Variants in GALNT9 observed in about 807,000 individuals in gnomAD.
GALNT9 encodes polypeptide N-acetylgalactosaminyltransferase 9.
A neutral mutation model predicts 63.1 loss-of-function variants in GALNT9; 47 were observed. The ratio of observed to expected loss-of-function variants is 0.75; its 90% CI spans 0.59 to 0.95. The LOEUF is 0.95. Ranked by LOEUF, GALNT9 falls within the 40% of genes least tolerant of loss-of-function variation. The pLI is 0.00. For missense variants in GALNT9, 829 were observed against 874.8 expected, an observed-to-expected ratio of 0.95 and a Z score of 0.66; for synonymous variants, 396 against 365.7, an observed-to-expected ratio of 1.08 and a Z score of -0.94.
At chr12:132,277,205 T>C (rs1386803718) in intron 2 of GALNT9, 1 of 154,660 alleles carries the variant, frequency 6.5e-6, no homozygotes, top group African/African-American at 2.4e-5. Context: ...AGCTTGCTTT[T>C]GTTTACTTCT....
chr12:132,261,093 C>A lies in GALNT9; in HGVS notation c.616G>T (p.Val206Phe). 2 of 1,551,552 alleles carry A rather than the reference C, an allele frequency of 1.3e-6. No homozygotes were observed. The highest frequency in any genetic ancestry group is 1.7e-6 in the Non-Finnish European group (2 of 1,146,976). ...VELKFNLDQY[V>F]NKRYPGLVKI... ...ACGAGGCCTGGGTACCGCTTGTTGA[C>A]GTACTGGTCCAGATTGAACTTGAGT... The change falls in exon 4 of 11, where the codon GTC becomes TTC. Residue 206 changes from valine (V) to phenylalanine (F), a missense_variant. Physicochemically the swap from Val to Phe is conservative, Grantham distance 50 (BLOSUM62 -1). Transcript: ENST00000328957.
At chr12:132,304,365 AGCC>A (rs1566019510) in intron 1 of GALNT9, among the ~76,000 whole-genome samples, 1 of 101,060 alleles carries the variant, frequency 9.9e-6, no homozygotes. Context: ...ACCCGGGCAC[AGCC>A]TCACCCGGGC....
intron 6 of GALNT9, among the ~76,000 whole-genome samples, chr12:132,229,748 G>A (rs1431239635): frequency 1.3e-5 from 2 of 152,258 alleles, no homozygotes; most frequent in Non-Finnish European, 2.9e-5. Flanking sequence ...ACCGGCATCT[G>A]TGAAGCACCA....
At chr12:132,264,656 G>A (rs994838639) in intron 2 of GALNT9, among the ~76,000 whole-genome samples, 1 of 152,238 alleles carries the variant, frequency 6.6e-6, no homozygotes, top group African/African-American at 2.4e-5. Context: ...CCCAGGACAC[G>A]CAGGAAAAGC....
At chr12:132,281,757 G>A (rs1211966927) in intron 2 of GALNT9, among the ~76,000 whole-genome samples, 1 of 151,856 alleles carries the variant, frequency 6.6e-6, no homozygotes, top group Non-Finnish European at 1.5e-5. Context: ...CTCAAAAGGA[G>A]AGCAAGAGCC....
chr12:132,241,240 C>A (rs1444987321), intron 6 of GALNT9, among the ~76,000 whole-genome samples: 1 of 84,334 alleles, frequency 1.2e-5, no homozygotes, highest in Non-Finnish European at 2.4e-5. Context: ...TCCCTATACC[C>A]ATTACACACA....
At position 132,201,897 on chromosome 12, in the gene GALNT9, G is replaced by A. The variant is rs1451218590; in HGVS notation, c.1264-636C>T. Among the ~76,000 whole-genome samples, 4 of 147,592 alleles carry A rather than the reference G, an allele frequency of 2.7e-5. No individual in the cohort carries two copies. In the East Asian group the frequency reaches 5.9e-4, roughly 22 times the overall value. ...GGTGTCTGTGTCTTCCTGGGACTGT[G>A]GGGCCTGAGAGGCTGTAGGGACCAG... On this transcript the variant is annotated intron_variant, in intron 7 of 10. Transcript: ENST00000328957.
chr12:132,291,008 C>T lies in GALNT9; in HGVS notation c.239-4578G>A, dbSNP rs574170248. Among the ~76,000 whole-genome samples the T allele has an allele frequency of 2.8e-3, 205 of 72,534 alleles. 34 individuals carry two copies. Among genetic ancestry groups the T allele is most frequent in the Non-Finnish European group, 4.2e-3 (150 of 35,470 alleles). The allele number at this position is 72,534 out of a possible 152,430, so 47.6% of individuals were successfully genotyped here. A position where few individuals can be genotyped will look rare whatever the true frequency, so the allele number is the denominator to read the frequency against. ...ACAGCACCCACAACCACAGTGCCCA[C>T]GTCCACACCACCCACATCCACAGCG... On this transcript the variant is annotated intron_variant, in intron 1 of 10. Transcript: ENST00000328957.
intron 8 of GALNT9, chr12:132,200,329 T>C (rs1342924327): frequency 6.6e-6 from 1 of 151,890 alleles, no homozygotes; most frequent in Non-Finnish European, 1.5e-5. Context: ...ACCTTCTCGC[T>C]GGCTTTACGG....
At chr12:132,326,821 C>T (rs1325433264) in intron 1 of GALNT9, among the ~76,000 whole-genome samples, 1 of 152,248 alleles carries the variant, frequency 6.6e-6, no homozygotes, top group Non-Finnish European at 1.5e-5. Flanking sequence ...GCTTCTTACA[C>T]ACCTTTTAGC....
At chr12:132,267,817 T>TCACACACACGCA (rs781940616) in intron 2 of GALNT9, among the ~76,000 whole-genome samples, 2 of 62,700 alleles carry the variant, frequency 3.2e-5, no homozygotes, top group South Asian at 5.0e-4. Flanking sequence ...ACACACGCAC[T>TCACACACACGCA]CACACATGCA....
chr12:132,311,589 A>G (rs1433026361), intron 1 of GALNT9, among the ~76,000 whole-genome samples: 1 of 152,212 alleles, frequency 6.6e-6, no homozygotes, highest in African/African-American at 2.4e-5. Flanking sequence ...ACTGTGAGCA[A>G]GTGCCGGCAG....
chr12:132,289,106 G>T (rs1279166955), intron 1 of GALNT9, among the ~76,000 whole-genome samples: 1 of 152,148 alleles, frequency 6.6e-6, no homozygotes, highest in Non-Finnish European at 1.5e-5. Context: ...AGTCATGCGT[G>T]GCAATCCACA....
In GALNT9 at chr12:132,251,837, G is replaced by A. The variant is rs569233123; in HGVS notation, c.960-3810C>T. ...GCTGGTGGCACATCAGCAGCCTCTG[G>A]GCACCCACAGCCTGGGGGCCCCACC... On this transcript the variant is annotated intron_variant, in intron 5 of 10. Coordinates refer to ENST00000328957, the MANE Select transcript of GALNT9 (RefSeq NM_001122636.2). Among the ~76,000 whole-genome samples, 23 of 152,274 alleles carry A rather than the reference G, an allele frequency of 1.5e-4. No individual in the cohort carries two copies. The South Asian group carries it at 4.6e-3, about 30-fold the overall frequency.
intron 4 of GALNT9, among the ~76,000 whole-genome samples, chr12:132,258,953 C>T (rs1245428854): frequency 2.0e-5 from 3 of 152,210 alleles, no homozygotes; most frequent in Admixed American, 2.0e-4. Context: ...TTCGGGTCGG[C>T]TCAGGCAGAG....
intron 4 of GALNT9, among the ~76,000 whole-genome samples, chr12:132,259,142 G>T (rs1429930733): frequency 6.6e-6 from 1 of 152,248 alleles, no homozygotes; most frequent in Non-Finnish European, 1.5e-5. Flanking sequence ...CCCTGGAAAT[G>T]CCAGGTCTTC....
rs1351064515 is a variant in GALNT9, at chr12:132,196,447, G to GGAAA, written c.*656_*659dup. On this transcript the variant is annotated 3_prime_UTR_variant, in exon 11 of 11. Coordinates refer to ENST00000328957, the MANE Select transcript of GALNT9 (RefSeq NM_001122636.2). ...GGCTGCGGCAGGGCCCAGGTGCCTG[G>GGAAA]GAAAGAGGTGGGACCGGGCCCCAAC... 3.0e-6 allele frequency: 3 copies of GGAAA among 985,428 alleles called. No individual in the cohort carries two copies. Among genetic ancestry groups the GGAAA allele is most frequent in the Non-Finnish European group, 3.6e-6 (3 of 830,012 alleles). 61.0% of individuals were successfully genotyped at this position (985,428 alleles called of 1,614,324 possible).
In GALNT9 at chr12:132,319,656, C is replaced by T. The variant is rs1297171282; in HGVS notation, c.238+9310G>A. The stretch of plus-strand genomic sequence containing the variant: ...CACACTAGCTGAGTTTGCTTTTCAA[C>T]AGGCCTTTCCGTCTGGGGCAGGTCA... On this transcript the variant is annotated intron_variant, in intron 1 of 10. Transcript: ENST00000328957. The surrounding 1 kb of genome is among the most constrained non-coding windows in gnomAD (Gnocchi z 5.2). Among the ~76,000 whole-genome samples the T allele has an allele frequency of 2.6e-5, 4 of 152,160 alleles. No individual in the cohort carries two copies. The highest frequency in any genetic ancestry group is 2.9e-5 in the Non-Finnish European group (2 of 68,026).
Position 132,196,698 on chromosome 12 carries a change from T to C in GALNT9, c.*409A>G, listed in dbSNP as rs1875527861. On this transcript the variant is annotated 3_prime_UTR_variant, in exon 11 of 11. Transcript: ENST00000328957. Reference sequence around the variant, plus strand: ...GGCCGCAAGTGCTGGGGGAGGCTGCTTGGAGCATGGGAGGCCTGCGGGTGG... The same window carrying C: ...GGCCGCAAGTGCTGGGGGAGGCTGCCTGGAGCATGGGAGGCCTGCGGGTGG... The C allele has an allele frequency of 7.0e-6, 7 of 1,004,204 alleles. No individual in the cohort carries two copies. Among genetic ancestry groups the C allele is most frequent in the Non-Finnish European group, 8.3e-6 (7 of 842,346 alleles). 62.2% of individuals were successfully genotyped at this position (1,004,204 alleles called of 1,614,324 possible). A position where few individuals can be genotyped will look rare whatever the true frequency, so the allele number is the denominator to read the frequency against.
Sources: gnomAD v4.1 joint callset for allele counts (sites outside exome capture counted in the v4.1 genomes callset) on GRCh38, gnomAD v4.1.1 for gene constraint, Gnocchi (gnomAD v3.1) non-coding constraint, MANE v1.5 for transcripts, NCBI Gene and HGNC (gene_info 2026-07-23, HGNC 2026-07-21) for gene names.